MAPK10: variants seen among roughly 807,000 people sequenced by gnomAD.
The protein encoded by MAPK10 is mitogen-activated protein kinase 10, also known as JNK3 alpha protein kinase.
A neutral mutation model predicts 59.3 loss-of-function variants in MAPK10; 25 were observed. That is an observed-to-expected ratio of 0.42 (90% CI 0.31 to 0.59). The LOEUF (loss-of-function observed/expected upper bound fraction) is 0.59. Ranked by LOEUF, MAPK10 falls within the 20% of genes least tolerant of loss-of-function variation. The probability of loss-of-function intolerance (pLI) is 0.15; values close to 1 mark genes in which losing one functional copy is unlikely to be tolerated. For missense variants in MAPK10, 351 were observed against 568.9 expected (o/e 0.62, Z 3.90); for synonymous variants, 190 against 200.5 (o/e 0.95, Z 0.44).
At chr4:86,544,488 CT>C (rs1758988094) in intron 1 of MAPK10, among the ~76,000 whole-genome samples, 1 of 152,192 alleles carries the variant, frequency 6.6e-6, no homozygotes, top group South Asian at 2.1e-4. Context: ...ATTTCTCTCT[CT>C]TTCTTGTCAG....
chr4:86,187,577 G>C (rs996846416), intron 3 of MAPK10, among the ~76,000 whole-genome samples: 3 of 152,090 alleles, frequency 2.0e-5, no homozygotes, highest in Non-Finnish European at 4.4e-5. Flanking sequence ...GGGGACTACT[G>C]TAAAGAATGA....
At chr4:86,122,471 T>C (rs2059421490) in intron 4 of MAPK10, among the ~76,000 whole-genome samples, 1 of 152,132 alleles carries the variant, frequency 6.6e-6, no homozygotes, top group South Asian at 2.1e-4. Context: ...AGGATCATAT[T>C]GGTAAAGCCA....
At chr4:86,137,430 G>C (rs560434697) in intron 4 of MAPK10, among the ~76,000 whole-genome samples, 9 of 137,680 alleles carry the variant, frequency 6.5e-5, no homozygotes, top group Non-Finnish European at 1.2e-4. Flanking sequence ...GCTCCTGAAT[G>C]ACTACTGGGT....
intron 2 of MAPK10, among the ~76,000 whole-genome samples, chr4:86,346,265 G>A (rs1485331658): frequency 3.9e-5 from 6 of 152,066 alleles, no homozygotes; most frequent in Non-Finnish European, 2.9e-5. Context: ...GGACAACCCC[G>A]GAGGATACCA....
intron 1 of MAPK10, among the ~76,000 whole-genome samples, chr4:86,398,140 T>C (rs762236877): frequency 6.6e-6 from 1 of 151,800 alleles, no homozygotes; most frequent in Admixed American, 6.6e-5. Flanking sequence ...AACTTTGTTC[T>C]TCAGGTAATG....
chr4:86,054,351 C>T (rs550658453), intron 11 of MAPK10, among the ~76,000 whole-genome samples: 1 of 152,268 alleles, frequency 6.6e-6, no homozygotes, highest in South Asian at 2.1e-4. Context: ...CAAGCTCCCA[C>T]CAACATAATA....
Position 86,194,424 on chromosome 4 carries a change from T to C in MAPK10, c.-6-17A>G. The C allele has an allele frequency of 7.0e-7, 1 of 1,429,026 alleles. No homozygotes were observed. The highest frequency in any genetic ancestry group is 9.9e-7 in the Non-Finnish European group (1 of 1,013,098). 88.5% of individuals were successfully genotyped at this position (1,429,026 alleles called of 1,614,324 possible). The stretch of plus-strand genomic sequence containing the variant: ...CATAAATACCTAGAGGAAAAAGAAA[T>C]GGAGCATAAATTTTCAAATCACTAG... On this transcript the variant is annotated splice_polypyrimidine_tract_variant and intron_variant, in intron 2 of 13. Coordinates refer to ENST00000641462, the MANE Select transcript of MAPK10 (RefSeq NM_138982.4).
intron 1 of MAPK10, among the ~76,000 whole-genome samples, chr4:86,465,149 T>C (rs956062651): frequency 5.3e-5 from 8 of 152,232 alleles, no homozygotes; most frequent in African/African-American, 1.9e-4. Context: ...TTCCCTTGTT[T>C]GGGAGACTAG....
In MAPK10 at chr4:86,395,991, A is replaced by C. The variant is rs560973457; in HGVS notation, c.-121-41347T>G. 1.1e-3 allele frequency among the ~76,000 whole-genome samples: 164 copies of C among 152,304 alleles called. 1 individual carries two copies. Among genetic ancestry groups the C allele is most frequent in the African/African-American group, 3.8e-3 (157 of 41,562 alleles). On this transcript the variant is annotated intron_variant, in intron 1 of 13. Coordinates refer to the MAPK10 transcript ENST00000361569. ...AAGCATTCGGTTTGTACCACATAAAACACACCATTCTCGCCATTCTATCTG... is the reference window on the plus strand; with the variant it reads ...AAGCATTCGGTTTGTACCACATAAACCACACCATTCTCGCCATTCTATCTG...
chr4:86,386,708 C>A (rs1377172643), intron 1 of MAPK10, among the ~76,000 whole-genome samples: 1 of 152,042 alleles, frequency 6.6e-6, no homozygotes, highest in Non-Finnish European at 1.5e-5. Context: ...GCAAATATTT[C>A]TTGAGCAACT....
At chr4:86,077,985 A>G (rs1163239714) in intron 9 of MAPK10, among the ~76,000 whole-genome samples, 1 of 152,206 alleles carries the variant, frequency 6.6e-6, no homozygotes, top group Non-Finnish European at 1.5e-5. Context: ...GCATCATTAT[A>G]TTAAACTGTG....
intron 2 of MAPK10, among the ~76,000 whole-genome samples, chr4:86,195,183 A>T (rs2080998666): frequency 6.6e-6 from 1 of 152,226 alleles, no homozygotes; most frequent in Admixed American, 6.5e-5. Flanking sequence ...TTATTTGAGA[A>T]TGACACAGCA....
intron 5 of MAPK10, among the ~76,000 whole-genome samples, chr4:86,106,647 G>A (rs1411620226): frequency 6.6e-6 from 1 of 151,720 alleles, no homozygotes; most frequent in Non-Finnish European, 1.5e-5. Flanking sequence ...GAGTTCCGAT[G>A]AGAAAAAGCT....
chr4:86,194,751 C>T (rs2080884195), intron 2 of MAPK10, among the ~76,000 whole-genome samples: 1 of 151,154 alleles, frequency 6.6e-6, no homozygotes, highest in Non-Finnish European at 1.5e-5. Context: ...AACATATGCT[C>T]AACAGGATAT....
intron 1 of MAPK10, among the ~76,000 whole-genome samples, chr4:86,577,785 T>A (rs1408244075): frequency 6.6e-6 from 1 of 152,072 alleles, no homozygotes; most frequent in African/African-American, 2.4e-5. Context: ...AAATTGAAAT[T>A]GAGATCATTG....
At position 86,240,078 on chromosome 4, in the gene MAPK10, T is replaced by C. The variant is rs536371718; in HGVS notation, c.-6-45671A>G. 3.3e-5 allele frequency among the ~76,000 whole-genome samples: 5 copies of C among 152,350 alleles called. No individual in the cohort carries two copies. The East Asian group carries it at 9.6e-4, about 29-fold the overall frequency. ...GTTCTCATTGGTTTCAAAGAACTTC[T>C]TGATTTCTGCCTTAATTTTATTATT... On this transcript the variant is annotated intron_variant, in intron 2 of 13. Coordinates refer to ENST00000641462, the MANE Select transcript of MAPK10 (RefSeq NM_138982.4).
intron 1 of MAPK10, among the ~76,000 whole-genome samples, chr4:86,521,884 A>G (rs1027514295): frequency 3.3e-5 from 5 of 152,122 alleles, no homozygotes; most frequent in African/African-American, 1.2e-4. Context: ...AATTATTACA[A>G]AGTTCAGCTG....
intron 1 of MAPK10, among the ~76,000 whole-genome samples, chr4:86,562,828 G>A (rs1176892842): frequency 6.6e-6 from 1 of 152,150 alleles, no homozygotes; most frequent in Non-Finnish European, 1.5e-5. Context: ...GGATTACACT[G>A]CTGCCTGTGT....
intron 4 of MAPK10, among the ~76,000 whole-genome samples, chr4:86,109,001 A>C (rs1011520480): frequency 2.6e-5 from 4 of 151,934 alleles, no homozygotes; most frequent in Non-Finnish European, 4.4e-5. Flanking sequence ...CTCTGAATAA[A>C]CTCCAGTGTG....
Sources: gnomAD v4.1 joint callset for allele counts (sites outside exome capture counted in the v4.1 genomes callset) on GRCh38, gnomAD v4.1.1 for gene constraint, MANE v1.5 for transcripts, NCBI Gene and HGNC (gene_info 2026-07-23, HGNC 2026-07-21) for gene names.